L3MBTL4: variants seen among roughly 807,000 people sequenced by gnomAD.
The protein encoded by L3MBTL4 is L3MBTL histone methyl-lysine binding protein 4, also known as lethal(3)malignant brain tumor-like protein 4.
Under a neutral mutation model 84.5 loss-of-function variants are expected in L3MBTL4, and 70 were observed. The ratio of observed to expected loss-of-function variants is 0.83; its 90% CI spans 0.68 to 1.01. L3MBTL4 has a LOEUF of 1.01. Ranked by LOEUF, L3MBTL4 falls within the 50% of genes least tolerant of loss-of-function variation. The probability of loss-of-function intolerance (pLI) is 0.00; values close to 1 mark genes in which losing one functional copy is unlikely to be tolerated. For synonymous variants in L3MBTL4, 274 were observed against 259.8 expected, an observed-to-expected ratio of 1.05 and a Z score of -0.52; for missense variants, 715 against 754.8, an observed-to-expected ratio of 0.95 and a Z score of 0.62.
intron 12 of L3MBTL4, among the ~76,000 whole-genome samples, chr18:6,203,265 G>A (rs538351): frequency 2.6e-5 from 4 of 152,182 alleles, no homozygotes; most frequent in Non-Finnish European, 4.4e-5. Context: ...CAAAAAAACA[G>A]GCTAGATAGG....
At chr18:6,040,779 CAT>C (rs1178864691) in intron 16 of L3MBTL4, among the ~76,000 whole-genome samples, 2 of 152,148 alleles carry the variant, frequency 1.3e-5, no homozygotes, top group African/African-American at 2.4e-5. Context: ...GCCCCTAAAC[CAT>C]CCTATTCTTG....
intron 3 of L3MBTL4, among the ~76,000 whole-genome samples, chr18:6,310,835 T>C (rs549665972): frequency 3.3e-5 from 5 of 152,294 alleles, no homozygotes; most frequent in Non-Finnish European, 5.9e-5. Flanking sequence ...TATCTAGATG[T>C]TGCTGTGAAG....
At chr18:6,199,588 A>T (rs1213102654) in intron 12 of L3MBTL4, among the ~76,000 whole-genome samples, 3 of 152,172 alleles carry the variant, frequency 2.0e-5, no homozygotes, top group Admixed American at 6.5e-5. Context: ...AAAAGCTAAG[A>T]TCCTAAGCCC....
At chr18:6,182,424 T>G (rs1490327619) in intron 12 of L3MBTL4, among the ~76,000 whole-genome samples, 1 of 152,160 alleles carries the variant, frequency 6.6e-6, no homozygotes. Context: ...TGCTTGTTGA[T>G]GCGTTTCTGG....
At chr18:6,145,977 G>C (rs2042633625) in intron 13 of L3MBTL4, among the ~76,000 whole-genome samples, 1 of 152,216 alleles carries the variant, frequency 6.6e-6, no homozygotes, top group East Asian at 1.9e-4. Flanking sequence ...GGGGGACGTG[G>C]GGAGATTTTT....
At chr18:6,233,982 G>A (rs1399041136) in intron 10 of L3MBTL4, among the ~76,000 whole-genome samples, 1 of 152,106 alleles carries the variant, frequency 6.6e-6, no homozygotes, top group East Asian at 1.9e-4. Context: ...TAGACCAGTG[G>A]AACAGAACAG....
intron 10 of L3MBTL4, among the ~76,000 whole-genome samples, chr18:6,223,310 G>A (rs1187302941): frequency 3.3e-5 from 5 of 152,032 alleles, no homozygotes; most frequent in Non-Finnish European, 7.4e-5. Context: ...ATGCCAACAG[G>A]TATCAATAAA....
chr18:6,150,839 T>C (rs1301202632), intron 13 of L3MBTL4, among the ~76,000 whole-genome samples: 1 of 152,194 alleles, frequency 6.6e-6, no homozygotes, highest in East Asian at 1.9e-4. Flanking sequence ...CAAATAAAAA[T>C]GTTCGCTGGC....
At chr18:6,408,245 A>G (rs2055817161) in intron 1 of L3MBTL4, among the ~76,000 whole-genome samples, 1 of 152,324 alleles carries the variant, frequency 6.6e-6, no homozygotes, top group Middle Eastern at 3.4e-3. Flanking sequence ...TCAAGTCACA[A>G]TTAAATGGCA....
At chr18:5,995,304 G>A (rs961299649) in intron 16 of L3MBTL4, among the ~76,000 whole-genome samples, 1 of 152,250 alleles carries the variant, frequency 6.6e-6, no homozygotes, top group African/African-American at 2.4e-5. Context: ...TCCCTGCATG[G>A]TGACGGTGAC....
In L3MBTL4 at chr18:6,122,646, T is replaced by C. The variant is rs138845704; in HGVS notation, c.1199+15548A>G. ...AATTAAACCCTCCTTCTTTTGTAAATTGCGCAGTCTTGGGTATGTCTTTAT... is the reference window on the plus strand; with the variant it reads ...AATTAAACCCTCCTTCTTTTGTAAACTGCGCAGTCTTGGGTATGTCTTTAT... On this transcript the variant is annotated intron_variant, in intron 14 of 18. Coordinates refer to ENST00000317931, the MANE Select transcript of L3MBTL4 (RefSeq NM_001330559.2). Among the ~76,000 whole-genome samples, 70 of 152,302 alleles carry C rather than the reference T, an allele frequency of 4.6e-4. No homozygotes were observed. In the East Asian group the frequency reaches 0.012, roughly 25 times the overall value.
chr18:6,265,513 T>C (rs1047023629), intron 4 of L3MBTL4, among the ~76,000 whole-genome samples: 5 of 152,204 alleles, frequency 3.3e-5, no homozygotes, highest in Admixed American at 3.3e-4. Context: ...GAAACTATTG[T>C]ATATACATAC....
chr18:5,981,169 T>A (rs1272886267), intron 16 of L3MBTL4, among the ~76,000 whole-genome samples: 1 of 152,190 alleles, frequency 6.6e-6, no homozygotes, highest in African/African-American at 2.4e-5. Context: ...CTTATGCTAA[T>A]TACAGGCAGC....
At chr18:6,082,690 C>T (rs2058119578) in intron 15 of L3MBTL4, among the ~76,000 whole-genome samples, 1 of 152,160 alleles carries the variant, frequency 6.6e-6, no homozygotes, top group African/African-American at 2.4e-5. Context: ...CAGTCTGCCA[C>T]ATATAAAACT....
chr18:6,393,539 T>C (rs747640039), intron 1 of L3MBTL4, among the ~76,000 whole-genome samples: 3 of 152,170 alleles, frequency 2.0e-5, no homozygotes, highest in Non-Finnish European at 4.4e-5. Context: ...CTAACTCACA[T>C]TGTTCTCCAC....
chr18:6,410,914 C>T (rs1263746207), intron 1 of L3MBTL4, among the ~76,000 whole-genome samples: 2 of 152,170 alleles, frequency 1.3e-5, no homozygotes, highest in Non-Finnish European at 2.9e-5. Flanking sequence ...CACCAGGTGA[C>T]ACTGAGCAGG....
At chr18:6,400,333 T>C (rs1341006735) in intron 1 of L3MBTL4, among the ~76,000 whole-genome samples, 2 of 152,178 alleles carry the variant, frequency 1.3e-5, no homozygotes, top group African/African-American at 4.8e-5. Flanking sequence ...CCTGTAGATA[T>C]AGAGTGAAAT....
chr18:6,255,834 G>A (rs1398531560), intron 5 of L3MBTL4, among the ~76,000 whole-genome samples: 2 of 147,670 alleles, frequency 1.4e-5, no homozygotes, highest in African/African-American at 2.5e-5. Context: ...CAATTGAAAA[G>A]AGGACACAGA....
chr18:6,303,719 C>T (rs1283583182), intron 3 of L3MBTL4, among the ~76,000 whole-genome samples: 2 of 152,044 alleles, frequency 1.3e-5, no homozygotes, highest in East Asian at 3.9e-4. Flanking sequence ...GGCTTGGTCA[C>T]CCTAGCTTTG....
Sources: gnomAD v4.1 joint callset for allele counts (sites outside exome capture counted in the v4.1 genomes callset) on GRCh38, gnomAD v4.1.1 for gene constraint, MANE v1.5 for transcripts, NCBI Gene and HGNC (gene_info 2026-07-23, HGNC 2026-07-21) for gene names.